PLXNA4: variants seen among roughly 807,000 people sequenced by gnomAD.
The protein encoded by PLXNA4 is plexin A4.
A neutral mutation model predicts 191.8 loss-of-function variants in PLXNA4; 44 were observed. That is an observed-to-expected ratio of 0.23 (90% confidence interval 0.18 to 0.29). The LOEUF (loss-of-function observed/expected upper bound fraction) is 0.29, where lower values mean the gene tolerates loss of function less well. Ranked by LOEUF, PLXNA4 falls within the 10% of genes least tolerant of loss-of-function variation. The pLI, the probability that PLXNA4 is intolerant of heterozygous loss-of-function variation, is 1.00. For synonymous variants in PLXNA4, 1,082 were observed against 1,009.5 expected (o/e 1.07, Z -1.36); for missense variants, 1,800 against 2,488.8 (o/e 0.72, Z 5.89).
chr7:132,138,813 C>T (rs963621769), intron 30 of PLXNA4, among the ~76,000 whole-genome samples: 48 of 152,366 alleles, frequency 3.2e-4, no homozygotes, highest in African/African-American at 1.1e-3. Context: ...TCAGCCCATG[C>T]ATGAGCCTCA....
At chr7:132,365,379 G>GCACGCGCGC (rs1804135184) in intron 3 of PLXNA4, among the ~76,000 whole-genome samples, 1 of 150,718 alleles carries the variant, frequency 6.6e-6, no homozygotes, top group African/African-American at 2.4e-5. Context: ...GCGCATGCAT[G>GCACGCGCGC]GGGCAAGAGT....
At chr7:132,543,663 T>C (rs573351250) in intron 1 of PLXNA4, among the ~76,000 whole-genome samples, 3 of 152,270 alleles carry the variant, frequency 2.0e-5, no homozygotes, top group Admixed American at 1.3e-4. Flanking sequence ...ACCCAAACAA[T>C]AGGCCAGTTC....
intron 4 of PLXNA4, among the ~76,000 whole-genome samples, chr7:132,291,623 T>TACAC (rs146508714): frequency 1.3e-5 from 2 of 151,844 alleles, no homozygotes; most frequent in East Asian, 3.9e-4. Context: ...TGCACATGTG[T>TACAC]ACACACACAC....
intron 30 of PLXNA4, among the ~76,000 whole-genome samples, chr7:132,136,176 C>T (rs779743820): frequency 2.0e-5 from 3 of 152,322 alleles, no homozygotes; most frequent in Middle Eastern, 3.4e-3. Context: ...CTACCTCTGC[C>T]GGGTGAACCT....
intron 1 of PLXNA4, among the ~76,000 whole-genome samples, chr7:132,574,789 A>G (rs908057933): frequency 4.6e-5 from 7 of 152,214 alleles, no homozygotes; most frequent in Non-Finnish European, 1.0e-4. Context: ...GTTTGGAAAT[A>G]GCGGAGTCAG....
chr7:132,269,498 C>T (rs190754907), intron 4 of PLXNA4, among the ~76,000 whole-genome samples: 2 of 152,170 alleles, frequency 1.3e-5, no homozygotes, highest in East Asian at 1.9e-4. Context: ...TGGGACACCA[C>T]ATCAGCTCTC....
chr7:132,276,034 T>G (rs143977764), intron 4 of PLXNA4, among the ~76,000 whole-genome samples: 1,829 of 152,304 alleles, frequency 0.012, 30 homozygotes, highest in African/African-American at 0.041. Context: ...CAACCCTTAG[T>G]CCCAGTTTCT....
chr7:132,338,832 T>A (rs1802916493), intron 3 of PLXNA4, among the ~76,000 whole-genome samples: 1 of 152,154 alleles, frequency 6.6e-6, no homozygotes, highest in Admixed American at 6.5e-5. Context: ...CAGGTACCCA[T>A]CCTCTGGACA....
intron 3 of PLXNA4, among the ~76,000 whole-genome samples, chr7:132,479,357 G>C (rs982130220): frequency 1.3e-5 from 2 of 151,968 alleles, no homozygotes; most frequent in African/African-American, 4.8e-5. Flanking sequence ...AAGGAAGGGA[G>C]AGCCTGTGAG....
intron 3 of PLXNA4, among the ~76,000 whole-genome samples, chr7:132,359,801 G>A (rs1803862882): frequency 2.0e-5 from 3 of 151,842 alleles, no homozygotes; most frequent in African/African-American, 7.3e-5. Flanking sequence ...TATCTAGAGA[G>A]AAAAAAGAAA....
At chr7:132,301,576 A>G (rs1801307577) in intron 3 of PLXNA4, among the ~76,000 whole-genome samples, 1 of 152,202 alleles carries the variant, frequency 6.6e-6, no homozygotes, top group South Asian at 2.1e-4. Flanking sequence ...TCCAGTGGTC[A>G]TGCTTCTATG....
chr7:132,202,861 A>AT, intron 11 of PLXNA4, 25 bp from the exon 12 acceptor site: 2 of 1,521,484 alleles, frequency 1.3e-6, no homozygotes, highest in South Asian at 1.3e-5. Flanking sequence ...GGCAAGGACA[A>AT]GGGGTGCTTG....
At chr7:132,209,086 A>C (rs1485673045) in intron 10 of PLXNA4, among the ~76,000 whole-genome samples, 1 of 152,218 alleles carries the variant, frequency 6.6e-6, no homozygotes, top group Non-Finnish European at 1.5e-5. Flanking sequence ...TCCCCAGGGC[A>C]CAAGGGATCT....
chr7:132,313,819 C>T (rs927951533), intron 3 of PLXNA4, among the ~76,000 whole-genome samples: 12 of 152,102 alleles, frequency 7.9e-5, no homozygotes, highest in South Asian at 2.1e-4. Flanking sequence ...AGAATTTAGA[C>T]GACCACCATG....
chr7:132,431,844 T>C (rs1386285489), intron 3 of PLXNA4, among the ~76,000 whole-genome samples: 1 of 152,180 alleles, frequency 6.6e-6, no homozygotes, highest in African/African-American at 2.4e-5. Context: ...GCACAGACCG[T>C]AGCCCAGTGC....
Position 132,197,532 on chromosome 7 carries a change from G to A in PLXNA4, c.2738+953C>T, listed in dbSNP as rs528299371. On this transcript the variant is annotated intron_variant, in intron 13 of 31. Coordinates refer to ENST00000321063, the MANE Select transcript of PLXNA4 (RefSeq NM_020911.2). ...ATTAGCAGTGGCCTAGTTTGGTTTC[G>A]TTCTAGAAAGGTGTCAGAAAGTTGA... Among the ~76,000 whole-genome samples the A allele has an allele frequency of 1.5e-3, 228 of 152,160 alleles. 1 individual carries two copies. Among genetic ancestry groups the A allele is most frequent in the Middle Eastern group, 6.8e-3 (2 of 294 alleles).
At chr7:132,639,674 G>C in intron 2 of PLXNA4, among the ~76,000 whole-genome samples, 1 of 152,126 alleles carries the variant, frequency 6.6e-6, no homozygotes, top group South Asian at 2.1e-4. Context: ...CCATTCAGGG[G>C]GTCTTGCAGA....
intron 1 of PLXNA4, among the ~76,000 whole-genome samples, chr7:132,548,403 T>C (rs769631370): frequency 6.6e-6 from 1 of 152,308 alleles, no homozygotes; most frequent in East Asian, 1.9e-4. Flanking sequence ...CCATTTTGTA[T>C]GTATTTGGGG....
intron 3 of PLXNA4, among the ~76,000 whole-genome samples, chr7:132,394,003 G>C (rs1052988057): frequency 2.3e-5 from 3 of 129,962 alleles, no homozygotes; most frequent in Admixed American, 8.2e-5. Context: ...TTTTTTTTTC[G>C]TATTAACTGG....
Sources: gnomAD v4.1 joint callset for allele counts (sites outside exome capture counted in the v4.1 genomes callset) on GRCh38, gnomAD v4.1.1 for gene constraint, MANE v1.5 for transcripts, NCBI Gene and HGNC (gene_info 2026-07-23, HGNC 2026-07-21) for gene names.